RHCE: variants seen among roughly 807,000 people sequenced by gnomAD.
RHCE encodes the protein blood group Rh(CE) polypeptide.
RHCE carries 22 observed loss-of-function variants against 43.8 expected under a neutral mutation model. The observed-to-expected ratio is 0.50, with a 90% CI of 0.36 to 0.72. The LOEUF is 0.72. Among genes scored for constraint, RHCE ranks in the 30% least tolerant of loss-of-function variants. The pLI, the probability that RHCE is intolerant of heterozygous loss-of-function variation, is 0.00. For missense variants in RHCE, 385 were observed against 525.4 expected, an observed-to-expected ratio of 0.73 and a Z score of 2.61; for synonymous variants, 156 against 210.7, an observed-to-expected ratio of 0.74 and a Z score of 2.25.
intron 7 of RHCE, among the ~76,000 whole-genome samples, chr1:25,377,326 A>G (rs1351133740): frequency 6.6e-6 from 1 of 151,762 alleles, no homozygotes; most frequent in Non-Finnish European, 1.5e-5. Flanking sequence ...CCTCCCGAGT[A>G]GCTGAGACTA....
upstream of RHCE, among the ~76,000 whole-genome samples, chr1:25,423,615 C>T (rs1275788272): frequency 1.3e-5 from 2 of 152,200 alleles, no homozygotes; most frequent in South Asian, 2.1e-4. Flanking sequence ...ACAGATTTCT[C>T]GAAAGCAGAG....
At chr1:25,382,473 T>C (rs906906575) in intron 7 of RHCE, among the ~76,000 whole-genome samples, 1 of 147,528 alleles carries the variant, frequency 6.8e-6, no homozygotes, top group African/African-American at 2.7e-5. Flanking sequence ...AAGTAATAAG[T>C]GGCAGAATAG....
chr1:25,421,309 T>C (rs1286009368), upstream of RHCE, among the ~76,000 whole-genome samples: 1 of 152,176 alleles, frequency 6.6e-6, no homozygotes, highest in Admixed American at 6.5e-5. Flanking sequence ...AGCTGAGCCC[T>C]GGGGAGGATA....
At chr1:25,384,826 C>G (rs543753591) in intron 7 of RHCE, among the ~76,000 whole-genome samples, 1 of 152,238 alleles carries the variant, frequency 6.6e-6, no homozygotes, top group Non-Finnish European at 1.5e-5. Flanking sequence ...AATCTCATTT[C>G]TTAGAGTCTG....
chr1:25,427,745 C>G (rs1424367011), intron 2 of RHCE, among the ~76,000 whole-genome samples: 2 of 152,260 alleles, frequency 1.3e-5, no homozygotes, highest in African/African-American at 4.8e-5. Context: ...TCAGCTTGTG[C>G]TTTGAGCTAG....
chr1:25,385,451 T>C, intron 7 of RHCE: 1 of 550,292 alleles, frequency 1.8e-6, no homozygotes, highest in South Asian at 1.7e-5. Context: ...TCTGTGTTTG[T>C]GGGGTCACAG....
chr1:25,418,188 G>A (rs1296793070), intron 1 of RHCE, among the ~76,000 whole-genome samples: 4 of 151,980 alleles, frequency 2.6e-5, no homozygotes, highest in African/African-American at 4.8e-5. Flanking sequence ...CACCACATCC[G>A]GCTAATTTTT....
chr1:25,396,810 C>T (rs1366259995), intron 3 of RHCE, among the ~76,000 whole-genome samples: 1 of 152,092 alleles, frequency 6.6e-6, no homozygotes, highest in South Asian at 2.1e-4. Flanking sequence ...CAGAACCCAA[C>T]TGCATCAGAA....
chr1:25,405,833 A>G (rs1189174291), intron 2 of RHCE, among the ~76,000 whole-genome samples: 1 of 122,646 alleles, frequency 8.2e-6, no homozygotes, highest in African/African-American at 2.5e-5. Flanking sequence ...TCCCAAGTCA[A>G]GTGGCACAAG....
At chr1:25,379,477 ATATATATATATATATATATTTTTTT>A (rs1420021795) in intron 7 of RHCE, among the ~76,000 whole-genome samples, 6 of 13,442 alleles carry the variant, frequency 4.5e-4, no homozygotes, top group East Asian at 1.9e-3. Context: ...ATATATATAT[ATATATATATATATATATATTTTTTT>A]TTTTTTTTTT....
At chr1:25,401,412 C>G (rs897306603) in intron 3 of RHCE, among the ~76,000 whole-genome samples, 1 of 152,106 alleles carries the variant, frequency 6.6e-6, no homozygotes, top group Non-Finnish European at 1.5e-5. Context: ...TGGGTTCTCG[C>G]TTGGGTTCTG....
At chr1:25,427,448 G>A (rs1420584955) in intron 2 of RHCE, among the ~76,000 whole-genome samples, 3 of 152,250 alleles carry the variant, frequency 2.0e-5, no homozygotes, top group Non-Finnish European at 4.4e-5. Context: ...TGGTGAAGGT[G>A]TGGGGAGCTG....
chr1:25,415,465 C>A (rs879738278), intron 1 of RHCE, among the ~76,000 whole-genome samples: 224 of 152,298 alleles, frequency 1.5e-3, no homozygotes, highest in Non-Finnish European at 2.7e-3. Context: ...CCAGCCTGAC[C>A]AACATGGAGA....
chr1:25,416,302 T>C (rs182730789), intron 1 of RHCE, among the ~76,000 whole-genome samples: 2 of 152,272 alleles, frequency 1.3e-5, no homozygotes, highest in Admixed American at 1.3e-4. Context: ...CTCGCCCTGT[T>C]GCCCAGGCTG....
intron 7 of RHCE, among the ~76,000 whole-genome samples, chr1:25,383,844 T>C (rs976888939): frequency 1.6e-4 from 25 of 152,230 alleles, no homozygotes; most frequent in African/African-American, 4.1e-4. Context: ...GTCTCCTTGA[T>C]AGCTTGAACT....
At chr1:25,415,483 T>C (rs1647326452) in intron 1 of RHCE, among the ~76,000 whole-genome samples, 1 of 151,992 alleles carries the variant, frequency 6.6e-6, no homozygotes, top group Admixed American at 6.6e-5. Context: ...AGAAACCCCG[T>C]CTCTACTAAA....
rs552593335 is a variant in RHCE at position 25,420,533 on chromosome 1, C to T, written c.148+106G>A. The T allele has an allele frequency of 1.5e-4, 247 of 1,607,234 alleles. 1 individual carries two copies. In the African/African-American group the frequency reaches 2.8e-3, roughly 18 times the overall value. On this transcript the variant is annotated intron_variant, in intron 1 of 9. Coordinates refer to ENST00000294413, the MANE Select transcript of RHCE (RefSeq NM_020485.8). Reference sequence around the variant, plus strand: ...GAAGAAGATGGGGGAATCTTTTCCTCGGGATTTTGTAGAAAGGAACATCTG... The same window carrying T: ...GAAGAAGATGGGGGAATCTTTTCCTTGGGATTTTGTAGAAAGGAACATCTG...
chr1:25,425,467 G>C (rs1177473850), upstream of RHCE, among the ~76,000 whole-genome samples: 1 of 152,176 alleles, frequency 6.6e-6, no homozygotes, highest in Non-Finnish European at 1.5e-5. Context: ...CTGACACCAT[G>C]GCTTGTGTTG....
intron 6 of RHCE, among the ~76,000 whole-genome samples, chr1:25,387,121 G>A (rs1646197491): frequency 6.6e-6 from 1 of 152,206 alleles, no homozygotes. Flanking sequence ...AGGGATCTGG[G>A]TTCACCATGC....
Sources: allele counts gnomAD v4.1 joint callset (sites outside exome capture counted in the v4.1 genomes callset), GRCh38; gene constraint gnomAD v4.1.1; transcripts MANE v1.5; gene names NCBI Gene and HGNC (gene_info 2026-07-23, HGNC 2026-07-21).